The following FAM117A variants were observed in gnomAD, a reference collection of about 807,000 sequenced individuals.
FAM117A encodes the protein family with sequence similarity 117 member A.
In FAM117A, 21 loss-of-function variants were observed where a neutral mutation model predicts 44.1. The observed-to-expected ratio is 0.48, with a 90% CI of 0.34 to 0.69. FAM117A has a LOEUF of 0.69. FAM117A is among the 30% of genes least tolerant of loss of function. The probability of loss-of-function intolerance (pLI) is 0.01; values close to 1 mark genes in which losing one functional copy is unlikely to be tolerated. For missense variants in FAM117A, 498 were observed against 589.9 expected (o/e 0.84, Z 1.61); for synonymous variants, 220 against 238.3 (o/e 0.92, Z 0.71).
At chr17:49,763,123 TACACACACACACACACACACAC>T (rs10603200) in intron 1 of FAM117A, among the ~76,000 whole-genome samples, 1 of 141,068 alleles carries the variant, frequency 7.1e-6, no homozygotes, top group Admixed American at 7.1e-5. Context: ...TCCCCCCCGC[TACACACACACACACACACACAC>T]ACACACACAC....
At chr17:49,735,254 G>C (rs967124786) in intron 1 of FAM117A, among the ~76,000 whole-genome samples, 1 of 152,166 alleles carries the variant, frequency 6.6e-6, no homozygotes, top group African/African-American at 2.4e-5. Context: ...GCCGGGCGTG[G>C]TGGTGCACAC....
Position 49,749,105 on chromosome 17 carries a change from C to T in FAM117A, c.196+14787G>A, listed in dbSNP as rs114347826. ...CCACGCAACCTGCTCACTCACAAGG[C>T]GGTGGGTACAAACAATCGACTGGTA... is the stretch of plus-strand genomic sequence containing the variant. On this transcript the variant is annotated intron_variant, in intron 1 of 7. Transcript: ENST00000240364. 3.8e-3 allele frequency among the ~76,000 whole-genome samples: 583 copies of T among 152,262 alleles called. 3 individuals carry two copies. The highest frequency in any genetic ancestry group is 0.013 in the African/African-American group (555 of 41,560).
At chr17:49,784,579 A>G (rs957509854) in intron 1 of FAM117A, among the ~76,000 whole-genome samples, 16 of 152,050 alleles carry the variant, frequency 1.1e-4, no homozygotes, top group African/African-American at 3.9e-4. Context: ...ACACCTCTCT[A>G]CTATTGCACA....
intron 7 of FAM117A, among the ~76,000 whole-genome samples, chr17:49,714,979 G>T (rs999652105): frequency 3.3e-5 from 5 of 152,268 alleles, no homozygotes; most frequent in East Asian, 1.9e-4. Context: ...TAATGCAGGG[G>T]CAGGAAGATA....
chr17:49,722,097 AAAAC>A (rs924583580), intron 3 of FAM117A, among the ~76,000 whole-genome samples: 24 of 152,292 alleles, frequency 1.6e-4, no homozygotes, highest in African/African-American at 2.2e-4. Context: ...TCTGTTTCCA[AAAAC>A]AAACAAACAA....
At chr17:49,716,350 G>A in intron 6 of FAM117A, 35 bp from the exon 7 acceptor site, 1 of 1,495,710 alleles carries the variant, frequency 6.7e-7, no homozygotes, top group Non-Finnish European at 8.9e-7. Flanking sequence ...TAGTGGAGAT[G>A]AAGGGAAGGC....
intron 1 of FAM117A, among the ~76,000 whole-genome samples, chr17:49,738,930 T>C (rs2073621759): frequency 6.6e-6 from 1 of 152,138 alleles, no homozygotes; most frequent in African/African-American, 2.4e-5. Flanking sequence ...AACCAAGGTG[T>C]CAAACTTCCC....
At chr17:49,739,465 CA>C (rs1333501819) in intron 1 of FAM117A, among the ~76,000 whole-genome samples, 3 of 152,272 alleles carry the variant, frequency 2.0e-5, no homozygotes, top group African/African-American at 7.2e-5. Flanking sequence ...TTCTGCTGCC[CA>C]ATGAGATTGA....
upstream of FAM117A, among the ~76,000 whole-genome samples, chr17:49,766,585 T>TA (rs1331807515): frequency 6.6e-6 from 1 of 152,246 alleles, no homozygotes; most frequent in Non-Finnish European, 1.5e-5. Context: ...AAAGGTAGAC[T>TA]AGTTGGTCTT....
At chr17:49,767,670 C>G (rs550457448), upstream of FAM117A, among the ~76,000 whole-genome samples, 1 of 152,050 alleles carries the variant, frequency 6.6e-6, no homozygotes, top group South Asian at 2.1e-4. Context: ...TTTAGGAGGC[C>G]GAGGTGGGTG....
chr17:49,735,244 G>C (rs2073605613), intron 1 of FAM117A, among the ~76,000 whole-genome samples: 1 of 152,080 alleles, frequency 6.6e-6, no homozygotes, highest in South Asian at 2.1e-4. Flanking sequence ...GCAAAAATTA[G>C]CCGGGCGTGG....
intron 1 of FAM117A, among the ~76,000 whole-genome samples, chr17:49,763,089 G>T (rs1253221135): frequency 6.7e-6 from 1 of 149,762 alleles, no homozygotes; most frequent in Non-Finnish European, 1.5e-5. Context: ...AGAAAGAAAG[G>T]TAGGGGGCAA....
upstream of FAM117A, among the ~76,000 whole-genome samples, chr17:49,768,690 T>C (rs1394923658): frequency 6.6e-6 from 1 of 151,846 alleles, no homozygotes; most frequent in Non-Finnish European, 1.5e-5. Context: ...GGAAGGAGGG[T>C]TGAGGGAATG....
At chr17:49,779,903 A>G (rs2073784921) in intron 1 of FAM117A, among the ~76,000 whole-genome samples, 1 of 152,232 alleles carries the variant, frequency 6.6e-6, no homozygotes, top group African/African-American at 2.4e-5. Context: ...GGCTAGGCAC[A>G]TAATACAATG....
chr17:49,767,779 C>A (rs927421015), upstream of FAM117A, among the ~76,000 whole-genome samples: 1 of 152,162 alleles, frequency 6.6e-6, no homozygotes, highest in African/African-American at 2.4e-5. Context: ...TGGCAGGTGC[C>A]TGTAATCCCA....
At chr17:49,764,584 G>C (rs2143789986), upstream of FAM117A, among the ~76,000 whole-genome samples, 1 of 152,318 alleles carries the variant, frequency 6.6e-6, no homozygotes, top group South Asian at 2.1e-4. Context: ...ACACAGTTGA[G>C]TCCCTGAATC....
chr17:49,726,518 G>A (rs776215787), intron 2 of FAM117A, among the ~76,000 whole-genome samples: 5 of 152,090 alleles, frequency 3.3e-5, no homozygotes, highest in Admixed American at 1.3e-4. Flanking sequence ...ACCCGACATC[G>A]AGTATTCTCA....
intron 2 of FAM117A, among the ~76,000 whole-genome samples, chr17:49,731,328 T>C (rs951078626): frequency 1.3e-5 from 2 of 152,250 alleles, no homozygotes; most frequent in Non-Finnish European, 2.9e-5. Flanking sequence ...ATAACTCATT[T>C]GCTCTGAAGA....
At chr17:49,754,930 C>T (rs918026185) in intron 1 of FAM117A, among the ~76,000 whole-genome samples, 17 of 149,992 alleles carry the variant, frequency 1.1e-4, no homozygotes, top group Non-Finnish European at 4.4e-5. Flanking sequence ...CCCAGCTACT[C>T]GAGAGGCTGA....
Sources: gnomAD v4.1 joint callset for allele counts (sites outside exome capture counted in the v4.1 genomes callset) on GRCh38, gnomAD v4.1.1 for gene constraint, MANE v1.5 for transcripts, NCBI Gene and HGNC (gene_info 2026-07-23, HGNC 2026-07-21) for gene names.